Variants in CTNNA2 observed in about 807,000 individuals in gnomAD.
CTNNA2 encodes the protein catenin alpha 2, also known as catenin alpha-2.
In CTNNA2, 42 loss-of-function variants were observed where a neutral mutation model predicts 101.0. The ratio of observed to expected loss-of-function variants is 0.42; its 90% CI spans 0.32 to 0.54. CTNNA2 has a LOEUF of 0.54. Ranked by LOEUF, CTNNA2 falls within the 20% of genes least tolerant of loss-of-function variation. The pLI is 0.14. For missense variants in CTNNA2, 871 were observed against 1,223.1 expected (o/e 0.71, Z 4.29); for synonymous variants, 450 against 456.4 (o/e 0.99, Z 0.18).
chr2:79,781,173 C>T (rs1674393222), intron 3 of CTNNA2, among the ~76,000 whole-genome samples: 1 of 152,150 alleles, frequency 6.6e-6, no homozygotes, highest in Non-Finnish European at 1.5e-5. Context: ...GTGAATTATC[C>T]ATGCCTCCCC....
At chr2:79,402,712 A>T (rs544115460) in intron 4 of CTNNA2, among the ~76,000 whole-genome samples, 1 of 151,974 alleles carries the variant, frequency 6.6e-6, no homozygotes, top group South Asian at 2.1e-4. Context: ...TTGGAACATT[A>T]TTCAACTTAA....
chr2:80,303,676 C>A lies in CTNNA2; in HGVS notation c.1057-89535C>A, dbSNP rs764013105. Reference sequence around the variant, plus strand: ...GGTTGAGCGCCTCGCAGTACAGCAGCCGCCCCTCGCACCGGCACAGCTGCG... The same window carrying A: ...GGTTGAGCGCCTCGCAGTACAGCAGACGCCCCTCGCACCGGCACAGCTGCG... On this transcript the variant is annotated intron_variant, in intron 7 of 18. Coordinates refer to ENST00000402739, the MANE Select transcript of CTNNA2 (RefSeq NM_001282597.3). This position sits in a 1 kb window ranked among gnomAD's most constrained non-coding sequence, Gnocchi z 7.7. The A allele has an allele frequency of 6.2e-6, 10 of 1,611,244 alleles. No individual in the cohort carries two copies. Among genetic ancestry groups the A allele is most frequent in the Non-Finnish European group, 8.5e-6 (10 of 1,178,398 alleles).
At position 79,656,294 on chromosome 2, in the gene CTNNA2, T is replaced by C. The variant is rs76182939; in HGVS notation, c.102+4636T>C. ...AAGGGAATATTAGCTATAAACTTCT[T>C]ACTCAACATTTAAAGCAAACTGGAA... On this transcript the variant is annotated intron_variant, in intron 2 of 18. Transcript: ENST00000402739. 7.0e-3 allele frequency among the ~76,000 whole-genome samples: 1,071 copies of C among 152,246 alleles called. 14 individuals carry two copies. The highest frequency in any genetic ancestry group is 0.025 in the African/African-American group (1,022 of 41,536).
At chr2:80,540,788 G>A (rs186044755) in intron 9 of CTNNA2, among the ~76,000 whole-genome samples, 42 of 152,066 alleles carry the variant, frequency 2.8e-4, no homozygotes, top group Admixed American at 9.2e-4. Flanking sequence ...TGCGCTTCCC[G>A]GTCTCAAGCG....
intron 9 of CTNNA2, among the ~76,000 whole-genome samples, chr2:80,447,212 C>T (rs1273603816): frequency 6.6e-6 from 1 of 152,156 alleles, no homozygotes; most frequent in Non-Finnish European, 1.5e-5. Flanking sequence ...GCTAGAGATT[C>T]TCTGATGTAG....
At chr2:79,879,721 G>C (rs982040480) in intron 6 of CTNNA2, among the ~76,000 whole-genome samples, 1 of 152,140 alleles carries the variant, frequency 6.6e-6, no homozygotes. Flanking sequence ...TTTCTGGGCT[G>C]ACATGATGGG....
At chr2:80,626,869 C>T (rs563944264) in intron 18 of CTNNA2, among the ~76,000 whole-genome samples, 1 of 152,110 alleles carries the variant, frequency 6.6e-6, no homozygotes, top group Admixed American at 6.6e-5. Context: ...CCCCGAGCCC[C>T]CTACCCCCTG....
At chr2:79,908,871 C>T (rs541922339) in intron 6 of CTNNA2, among the ~76,000 whole-genome samples, 2 of 152,358 alleles carry the variant, frequency 1.3e-5, no homozygotes, top group East Asian at 1.9e-4. Context: ...TCTCTGCCCA[C>T]ATGTTTCCAG....
intron 1 of CTNNA2, among the ~76,000 whole-genome samples, chr2:79,638,175 T>C (rs1327203637): frequency 2.0e-5 from 3 of 152,162 alleles, no homozygotes; most frequent in African/African-American, 7.2e-5. Context: ...GAAATGTAAA[T>C]ATCATGAAAT....
At chr2:80,105,029 G>T (rs62141427) in intron 7 of CTNNA2, among the ~76,000 whole-genome samples, 1 of 152,084 alleles carries the variant, frequency 6.6e-6, no homozygotes, top group Non-Finnish European at 1.5e-5. Context: ...TTACAGTTTT[G>T]CTACTGTTCT....
intron 4 of CTNNA2, among the ~76,000 whole-genome samples, chr2:79,861,363 T>C (rs1436854764): frequency 6.6e-6 from 1 of 152,220 alleles, no homozygotes; most frequent in African/African-American, 2.4e-5. Flanking sequence ...GAATTACCTT[T>C]TTCCGCAGCA....
chr2:79,456,163 TTAA>T (rs1670818036), intron 4 of CTNNA2, among the ~76,000 whole-genome samples: 2 of 150,936 alleles, frequency 1.3e-5, no homozygotes, highest in African/African-American at 4.8e-5. Context: ...ATTTAATAAT[TTAA>T]TAATTTAAAC....
intron 7 of CTNNA2, among the ~76,000 whole-genome samples, chr2:80,002,542 C>T (rs886576173): frequency 6.6e-6 from 1 of 151,760 alleles, no homozygotes; most frequent in Non-Finnish European, 1.5e-5. Context: ...TAATTCTGAA[C>T]CTGAGGTTGT....
intron 7 of CTNNA2, among the ~76,000 whole-genome samples, chr2:80,098,518 T>G (rs1397572085): frequency 2.0e-5 from 3 of 152,210 alleles, no homozygotes; most frequent in African/African-American, 7.2e-5. Context: ...GGAGAACCAC[T>G]ACTCTCTTCA....
chr2:80,030,622 C>T (rs1695227109), intron 7 of CTNNA2: 1 of 152,032 alleles, frequency 6.6e-6, no homozygotes, highest in Admixed American at 6.6e-5. Flanking sequence ...CATAATTAAA[C>T]AATAAACAAA....
intron 2 of CTNNA2, among the ~76,000 whole-genome samples, chr2:79,269,704 T>G (rs1191820634): frequency 6.6e-6 from 1 of 152,156 alleles, no homozygotes; most frequent in Admixed American, 6.5e-5. Context: ...AATGCCCATC[T>G]TCTGGGCTCC....
intron 17 of CTNNA2, among the ~76,000 whole-genome samples, chr2:80,612,475 T>C (rs944210857): frequency 6.6e-6 from 1 of 151,548 alleles, no homozygotes; most frequent in East Asian, 1.9e-4. Context: ...TCTTATACCC[T>C]CAATAAACCT....
chr2:80,250,568 C>T (rs1419835634), intron 7 of CTNNA2, among the ~76,000 whole-genome samples: 1 of 151,986 alleles, frequency 6.6e-6, no homozygotes, highest in Non-Finnish European at 1.5e-5. Context: ...GCAGAGGGTT[C>T]CAGGAAGGTG....
intron 18 of CTNNA2, among the ~76,000 whole-genome samples, chr2:80,620,386 G>T (rs907585523): frequency 6.6e-6 from 1 of 151,688 alleles, no homozygotes; most frequent in Non-Finnish European, 1.5e-5. Flanking sequence ...ATAAATCCCT[G>T]ACCCCCAAAG....
Sources: gnomAD v4.1 joint callset for allele counts (sites outside exome capture counted in the v4.1 genomes callset) on GRCh38, gnomAD v4.1.1 for gene constraint, Gnocchi (gnomAD v3.1) non-coding constraint, MANE v1.5 for transcripts, NCBI Gene and HGNC (gene_info 2026-07-23, HGNC 2026-07-21) for gene names.